The following BNC2 variants were observed in gnomAD, a reference collection of about 807,000 sequenced individuals.
BNC2 encodes zinc finger protein basonuclin-2.
BNC2 carries 20 observed loss-of-function variants against 76.3 expected under a neutral mutation model. The observed-to-expected ratio is 0.26, with a 90% confidence interval of 0.18 to 0.38. The LOEUF is 0.38. Among genes scored for constraint, BNC2 ranks in the 10% least tolerant of loss-of-function variants. The pLI is 1.00. For synonymous variants in BNC2, 582 were observed against 514.8 expected, an observed-to-expected ratio of 1.13 and a Z score of -1.77; for missense variants, 1,382 against 1,399.8, an observed-to-expected ratio of 0.99 and a Z score of 0.20.
At chr9:16,665,180 A>C (rs1201114535) in intron 3 of BNC2, 1 of 412,534 alleles carries the variant, frequency 2.4e-6, no homozygotes, top group Non-Finnish European at 4.7e-6. Flanking sequence ...ACCAGCCTGA[A>C]AAACAAGGTG....
At chr9:16,751,444 T>C (rs1285837581) in intron 1 of BNC2, among the ~76,000 whole-genome samples, 1 of 151,886 alleles carries the variant, frequency 6.6e-6, no homozygotes, top group East Asian at 1.9e-4. Flanking sequence ...AAAAGTCTTA[T>C]CTTTGCTCCC....
chr9:16,418,083 A>G lies in BNC2; in HGVS notation c.*906T>C, dbSNP rs927818509. 3 of 152,638 alleles carry G rather than the reference A, an allele frequency of 2.0e-5. No individual in the cohort carries two copies. Among genetic ancestry groups the G allele is most frequent in the African/African-American group, 7.2e-5 (3 of 41,442 alleles). 9.5% of individuals were successfully genotyped at this position (152,638 alleles called of 1,614,324 possible). ...TTTTTATACAAGTGAATTTTTTTTAAAAAAGACACTTACTGAAGTATGGCA... is the reference window on the plus strand; with the variant it reads ...TTTTTATACAAGTGAATTTTTTTTAGAAAAGACACTTACTGAAGTATGGCA... On this transcript the variant is annotated 3_prime_UTR_variant, in exon 7 of 7. Transcript: ENST00000380672.
At chr9:16,556,176 G>T (rs1448689674) in intron 4 of BNC2, among the ~76,000 whole-genome samples, 1 of 152,122 alleles carries the variant, frequency 6.6e-6, no homozygotes, top group Non-Finnish European at 1.5e-5. Context: ...TGTAGTCCCA[G>T]CTACTTGGGA....
At chr9:16,782,199 T>A (rs1298044285) in intron 1 of BNC2, among the ~76,000 whole-genome samples, 1 of 151,856 alleles carries the variant, frequency 6.6e-6, no homozygotes, top group African/African-American at 2.4e-5. Flanking sequence ...GCAGAAGAAT[T>A]GCTGGGACCC....
At position 16,729,469 on chromosome 9, in the gene BNC2, G is replaced by A. The variant is rs940229744; in HGVS notation, c.130-1472C>T. 2.6e-5 allele frequency among the ~76,000 whole-genome samples: 4 copies of A among 152,274 alleles called. No individual in the cohort carries two copies. In the East Asian group the frequency reaches 7.7e-4, roughly 29 times the overall value. The stretch of plus-strand genomic sequence containing the variant: ...TCATTAGTGGACAATGAGAAAAGAT[G>A]AGAAAACGTACACTATGTTGACACA... On this transcript the variant is annotated intron_variant, in intron 2 of 6. Transcript: ENST00000380672.
At chr9:16,482,543 T>C (rs1822079546) in intron 5 of BNC2, among the ~76,000 whole-genome samples, 1 of 152,164 alleles carries the variant, frequency 6.6e-6, no homozygotes, top group Non-Finnish European at 1.5e-5. Context: ...CTAGCACCGA[T>C]GAAGGTGATT....
At position 16,433,220 on chromosome 9, in the gene BNC2, T is replaced by A. The variant is rs138576207; in HGVS notation, c.2639+2335A>T. Among the ~76,000 whole-genome samples the A allele has an allele frequency of 5.9e-5, 9 of 152,338 alleles. No individual in the cohort carries two copies. The East Asian group carries it at 1.7e-3, about 29-fold the overall frequency. The stretch of plus-strand genomic sequence containing the variant: ...TAAAGTATCAGAACTTGTGTGTTTC[T>A]AACCTAAGATCAAAAGAGTTGCATA... On this transcript the variant is annotated intron_variant, in intron 6 of 6. Transcript: ENST00000380672.
intron 1 of BNC2, among the ~76,000 whole-genome samples, chr9:16,834,598 T>C (rs527905627): frequency 1.3e-5 from 2 of 152,324 alleles, no homozygotes; most frequent in East Asian, 1.9e-4. Flanking sequence ...GAGACATGCA[T>C]CTTGAAGCCA....
chr9:16,492,378 C>T (rs972267780), intron 5 of BNC2, among the ~76,000 whole-genome samples: 1 of 152,166 alleles, frequency 6.6e-6, no homozygotes, highest in Non-Finnish European at 1.5e-5. Flanking sequence ...AAGGCCTTGG[C>T]TAATCTCAAA....
At chr9:16,779,301 CAAAA>C (rs71327858) in intron 1 of BNC2, among the ~76,000 whole-genome samples, 9 of 105,240 alleles carry the variant, frequency 8.6e-5, no homozygotes, top group Non-Finnish European at 8.1e-5. Flanking sequence ...GACCCTCTCT[CAAAA>C]AAAAAAAAAA....
chr9:16,463,120 T>A (rs976314563), intron 5 of BNC2, among the ~76,000 whole-genome samples: 1 of 152,008 alleles, frequency 6.6e-6, no homozygotes, highest in Non-Finnish European at 1.5e-5. Context: ...ACTAAGAGTG[T>A]ACTGACTGTG....
chr9:16,635,695 G>C (rs1821302640), intron 3 of BNC2, among the ~76,000 whole-genome samples: 3 of 152,174 alleles, frequency 2.0e-5, no homozygotes, highest in African/African-American at 7.2e-5. Flanking sequence ...GCCAACTTTT[G>C]TTGGCAACTC....
chr9:16,573,982 G>C (rs1025776102), intron 4 of BNC2, among the ~76,000 whole-genome samples: 5 of 152,160 alleles, frequency 3.3e-5, no homozygotes, highest in African/African-American at 1.2e-4. Context: ...CTTCAGTAAA[G>C]AGGGGAGAGG....
At chr9:16,619,615 C>G (rs1392675987) in intron 3 of BNC2, among the ~76,000 whole-genome samples, 1 of 152,152 alleles carries the variant, frequency 6.6e-6, no homozygotes, top group Non-Finnish European at 1.5e-5. Flanking sequence ...CAAAGACTCC[C>G]TTTCTCTAAA....
intron 3 of BNC2, among the ~76,000 whole-genome samples, chr9:16,588,744 A>G (rs1250644504): frequency 6.6e-6 from 1 of 152,230 alleles, no homozygotes; most frequent in Admixed American, 6.5e-5. Context: ...TACAGAGGAT[A>G]GGTTCTGTTA....
At chr9:16,575,417 AAAAG>A in intron 4 of BNC2, 1 of 985,402 alleles carries the variant, frequency 1.0e-6, no homozygotes, top group Non-Finnish European at 1.2e-6. Flanking sequence ...AGCTAGGAAA[AAAAG>A]AAAATCTGGG....
At chr9:16,582,215 GA>G (rs142327130) in intron 4 of BNC2, among the ~76,000 whole-genome samples, 7 of 147,310 alleles carry the variant, frequency 4.8e-5, no homozygotes, top group African/African-American at 1.5e-4. Flanking sequence ...CTGGGAGGTG[GA>G]AAAAAAAACG....
chr9:16,578,399 C>T (rs959421013), intron 4 of BNC2, among the ~76,000 whole-genome samples: 1 of 152,102 alleles, frequency 6.6e-6, no homozygotes, highest in African/African-American at 2.4e-5. Flanking sequence ...GTGCAGCAGT[C>T]CTCAACCTTT....
At chr9:16,564,228 G>A (rs775980530) in intron 4 of BNC2, among the ~76,000 whole-genome samples, 4 of 152,150 alleles carry the variant, frequency 2.6e-5, no homozygotes, top group East Asian at 1.9e-4. Flanking sequence ...TAAGATATTC[G>A]TAAGTAACTC....
Sources: allele counts gnomAD v4.1 joint callset (sites outside exome capture counted in the v4.1 genomes callset), GRCh38; gene constraint gnomAD v4.1.1; transcripts MANE v1.5; gene names NCBI Gene and HGNC (gene_info 2026-07-23, HGNC 2026-07-21).